HNRNPR: variants seen among roughly 807,000 people sequenced by gnomAD.
HNRNPR encodes heterogeneous nuclear ribonucleoprotein R.
Under a neutral mutation model 70.3 loss-of-function variants are expected in HNRNPR, and 4 were observed. That is an observed-to-expected ratio of 0.06 (90% CI 0.03 to 0.13). The LOEUF (loss-of-function observed/expected upper bound fraction) is 0.13, where lower values mean the gene tolerates loss of function less well. Ranked by LOEUF, HNRNPR falls within the 10% of genes least tolerant of loss-of-function variation. HNRNPR has a pLI of 1.00. For synonymous variants in HNRNPR, 241 were observed against 267.6 expected (o/e 0.90, Z 0.97); for missense variants, 423 against 788.5 (o/e 0.54, Z 5.55).
Position 23,308,583 on chromosome 1 carries a change from T to C in HNRNPR, c.*1871A>G, listed in dbSNP as rs1247472564. The C allele has an allele frequency of 6.6e-6, 1 of 152,102 alleles. No homozygotes were observed. Among genetic ancestry groups the C allele is most frequent in the Non-Finnish European group, 1.5e-5 (1 of 67,930 alleles). 9.4% of individuals were successfully genotyped at this position (152,102 alleles called of 1,614,324 possible). ...ATCTGTCTTACCAAAGAAATACCCATGTTAACTCAAAACTATCATACAACA... is the reference window on the plus strand; with the variant it reads ...ATCTGTCTTACCAAAGAAATACCCACGTTAACTCAAAACTATCATACAACA... On this transcript the variant is annotated 3_prime_UTR_variant, in exon 11 of 11. Coordinates refer to ENST00000302271, the MANE Select transcript of HNRNPR (RefSeq NM_005826.5).
Position 23,318,768 on chromosome 1 carries a change from A to G in HNRNPR, c.812-80T>C. On this transcript the variant is annotated intron_variant, in intron 7 of 10. Coordinates refer to ENST00000302271, the MANE Select transcript of HNRNPR (RefSeq NM_005826.5). This position sits in a 1 kb window ranked among gnomAD's most constrained non-coding sequence, Gnocchi z 4.2. ...GATTAGGCAGACCTAAATCCACTTGACGATGAGCAAAATATAAGTGAAGCA... is the reference window on the plus strand; with the variant it reads ...GATTAGGCAGACCTAAATCCACTTGGCGATGAGCAAAATATAAGTGAAGCA... 7.5e-7 allele frequency: 1 copy of G among 1,340,826 alleles called. No individual in the cohort carries two copies. Among genetic ancestry groups the G allele is most frequent in the Non-Finnish European group, 1.0e-6 (1 of 956,760 alleles). The allele number at this position is 1,340,826 out of a possible 1,614,324, so 83.1% of individuals were successfully genotyped here.
Position 23,306,449 on chromosome 1 carries a change from C to A in HNRNPR, c.*4005G>T, listed in dbSNP as rs1449712234. The stretch of plus-strand genomic sequence containing the variant: ...TGGTTATCGTCCCCAGCGAACCCCA[C>A]CTAGCAAGTCGACATCATGACATGT... On this transcript the variant is annotated 3_prime_UTR_variant, in exon 11 of 11. Coordinates refer to ENST00000302271, the MANE Select transcript of HNRNPR (RefSeq NM_005826.5). 1.3e-5 allele frequency: 2 copies of A among 151,922 alleles called. No individual in the cohort carries two copies. The highest frequency in any genetic ancestry group is 2.4e-5 in the African/African-American group (1 of 41,352). 9.4% of individuals were successfully genotyped at this position (151,922 alleles called of 1,614,324 possible). A position where few individuals can be genotyped will look rare whatever the true frequency, so the allele number is the denominator to read the frequency against.
At chr1:23,320,978 C>T (rs1376859273) in intron 7 of HNRNPR, among the ~76,000 whole-genome samples, 1 of 151,952 alleles carries the variant, frequency 6.6e-6, no homozygotes, top group Non-Finnish European at 1.5e-5. Context: ...ACTAGCCTGA[C>T]CAACATAGAG....
At chr1:23,313,400 G>A (rs1342304616) in intron 9 of HNRNPR, among the ~76,000 whole-genome samples, 153 bp downstream of exon 9, 1 of 152,146 alleles carries the variant, frequency 6.6e-6, no homozygotes, top group Non-Finnish European at 1.5e-5. Flanking sequence ...AGTCTTATCT[G>A]TTACATACTA....
chr1:23,338,592 G>A lies in HNRNPR; in HGVS notation c.174C>T (p.Val58=), dbSNP rs762651913. 7.6e-6 allele frequency: 12 copies of A among 1,580,046 alleles called. No individual in the cohort carries two copies. Among genetic ancestry groups the A allele is most frequent in the African/African-American group, 6.8e-5 (5 of 73,436 alleles). The change falls in exon 3 of 11, where the codon GTC becomes GTT. Residue 58 remains valine, a synonymous_variant. Coordinates refer to ENST00000302271, the MANE Select transcript of HNRNPR (RefSeq NM_005826.5). ...EIFQTGLVAY[V]DLDERAIDAL... Reference sequence around the variant, plus strand: ...CATCAATTGCTCTTTCATCAAGATCGACATAAGCTACCAATCCTAAAAATT... The same window carrying A: ...CATCAATTGCTCTTTCATCAAGATCAACATAAGCTACCAATCCTAAAAATT...
chr1:23,313,992 T>C (rs1645436095), intron 8 of HNRNPR, among the ~76,000 whole-genome samples: 2 of 152,044 alleles, frequency 1.3e-5, no homozygotes, highest in South Asian at 4.1e-4. Context: ...CAACAAAAAG[T>C]CCCTTTCAAA....
intron 1 of HNRNPR, among the ~76,000 whole-genome samples, chr1:23,343,204 GAGAC>G (rs1410941639): frequency 1.3e-5 from 2 of 152,122 alleles, no homozygotes; most frequent in East Asian, 3.8e-4. Context: ...AAAAAAAAAG[GAGAC>G]ATTTAAAGAT....
At chr1:23,316,640 T>C (rs1034985308) in intron 8 of HNRNPR, among the ~76,000 whole-genome samples, 1 of 152,198 alleles carries the variant, frequency 6.6e-6, no homozygotes, top group Admixed American at 6.5e-5. Flanking sequence ...TAATACAGGC[T>C]ATACTTAGTT....
At chr1:23,312,929 C>T (rs12406157) in intron 9 of HNRNPR, among the ~76,000 whole-genome samples, 1 of 152,100 alleles carries the variant, frequency 6.6e-6, no homozygotes, top group East Asian at 1.9e-4. Context: ...AAAGATAGTC[C>T]TAAACCATTG....
chr1:23,343,519 A>T (rs1182819381), intron 1 of HNRNPR, among the ~76,000 whole-genome samples: 1 of 152,206 alleles, frequency 6.6e-6, no homozygotes, highest in Non-Finnish European at 1.5e-5. Context: ...ACCGTGTAAG[A>T]AAAAGGATCG....
chr1:23,321,582 T>C lies in HNRNPR; in HGVS notation c.757A>G (p.Ile253Val). The change falls in exon 7 of 11, where the codon ATT becomes GTT. Residue 253 changes from isoleucine to valine, a missense_variant. Around this residue, in one of 7 missense-constraint regions of HNRNPR, gnomAD observed 118 missense variants for 239.3 expected, o/e 0.49. Coordinates refer to ENST00000302271, the MANE Select transcript of HNRNPR (RefSeq NM_005826.5). The part of the protein sequence containing the change: ...VANNRLFVGS[I>V]PKNKTKENIL... ...TTTTCTTTAGTCTTATTCTTCGGAA[T>C]GGATCCAACAAAAAGTCTGTTGTTT... The C allele has an allele frequency of 1.2e-6, 2 of 1,613,902 alleles. No individual in the cohort carries two copies. Among genetic ancestry groups the C allele is most frequent in the Non-Finnish European group, 1.7e-6 (2 of 1,179,794 alleles).
chr1:23,326,408 T>G (rs1391870935), intron 5 of HNRNPR, among the ~76,000 whole-genome samples: 1 of 152,148 alleles, frequency 6.6e-6, no homozygotes, highest in East Asian at 1.9e-4. Context: ...CTATGTTCTC[T>G]TTAACCCTCT....
In HNRNPR at chr1:23,309,520, C is replaced by G. The variant is rs1474193217; in HGVS notation, c.*934G>C. On this transcript the variant is annotated 3_prime_UTR_variant, in exon 11 of 11. Coordinates refer to ENST00000302271, the MANE Select transcript of HNRNPR (RefSeq NM_005826.5). ...CAAGAATGCTCAAAAGTCTATGAAC[C>G]TGTTTTTTTTTTTTTAATAAAAGAT... The G allele has an allele frequency of 8.4e-5, 1 of 11,836 alleles. No individual in the cohort carries two copies. Among genetic ancestry groups the G allele is most frequent in the Non-Finnish European group, 1.5e-4 (1 of 6,702 alleles). 0.7% of individuals were successfully genotyped at this position (11,836 alleles called of 1,614,324 possible). A position where few individuals can be genotyped will look rare whatever the true frequency, so the allele number is the denominator to read the frequency against.
intron 4 of HNRNPR, among the ~76,000 whole-genome samples, chr1:23,336,992 A>G (rs925427058): frequency 6.6e-6 from 1 of 152,144 alleles, no homozygotes; most frequent in East Asian, 1.9e-4. Flanking sequence ...TAATTCATTT[A>G]CTCCTTACAA....
At position 23,321,626 on chromosome 1, in the gene HNRNPR, C is replaced by T; in HGVS notation, c.713G>A (p.Gly238Glu). The change falls in exon 7 of 11, where the codon GGA becomes GAA. Residue 238 changes from glycine to glutamate, a missense_variant. Coordinates refer to ENST00000302271, the MANE Select transcript of HNRNPR (RefSeq NM_005826.5). ...SYEIRPGKHL[G>E]VCISVANNRL... ...GTTGTTTGCCACAGAAATGCACACT[C>T]CAAGGTGTTTACCAGGGCGAATTTC... 6.2e-7 allele frequency: 1 copy of T among 1,612,486 alleles called. No homozygotes were observed. The highest frequency in any genetic ancestry group is 8.5e-7 in the Non-Finnish European group (1 of 1,179,058).
rs1335913414 is a variant in HNRNPR, at chr1:23,311,220, G to C, written c.1270C>G (p.Gln424Glu). The C allele has an allele frequency of 6.2e-7, 1 of 1,613,800 alleles. No homozygotes were observed. Residue 424 changes from glutamine (Q) to glutamate (E), a missense_variant, in exon 10 of 11, where the codon CAG becomes GAG. Around this residue, in one of 7 missense-constraint regions of HNRNPR, gnomAD observed 46 missense variants for 164.6 expected, o/e 0.28. Coordinates refer to ENST00000302271, the MANE Select transcript of HNRNPR (RefSeq NM_005826.5). ...KKRKERQAARQASRSTAYEDY... is the reference protein window; with the variant it reads ...KKRKERQAAREASRSTAYEDY... ...ACTCACGCAGTGCTTCTGGAGGCCT[G>C]TCTAGCAGCTTGGCGCTCTTTCCTT...
At chr1:23,340,047 AAAC>A (rs1253422949) in intron 2 of HNRNPR, among the ~76,000 whole-genome samples, 9 of 152,154 alleles carry the variant, frequency 5.9e-5, no homozygotes, top group Non-Finnish European at 2.9e-5. Flanking sequence ...AAAAAAAAAA[AAAC>A]AGCTATTTGC....
At chr1:23,338,041 G>A (rs1410933661) in intron 3 of HNRNPR, 180 bp from the exon 4 acceptor site, 2 of 537,480 alleles carry the variant, frequency 3.7e-6, no homozygotes, top group Non-Finnish European at 6.6e-6. Context: ...CAGTAAGGCA[G>A]TATAGACCTC....
chr1:23,321,726 T>G, intron 6 of HNRNPR, 63 bp from the exon 7 acceptor site: 1 of 1,507,838 alleles, frequency 6.6e-7, no homozygotes, highest in African/African-American at 1.4e-5. Flanking sequence ...TTGATCTTAA[T>G]CTAAAAAATT....
Sources: gnomAD v4.1 joint callset for allele counts (sites outside exome capture counted in the v4.1 genomes callset) on GRCh38, gnomAD v4.1.1 for gene constraint, gnomAD v4.1.1 regional missense constraint, Gnocchi (gnomAD v3.1) non-coding constraint, MANE v1.5 for transcripts, NCBI Gene and HGNC (gene_info 2026-07-23, HGNC 2026-07-21) for gene names.